The following FARS2 variants were observed in gnomAD, a reference collection of about 807,000 sequenced individuals.
FARS2 encodes the protein phenylalanyl-tRNA synthetase 2, mitochondrial.
Under a neutral mutation model 46.4 loss-of-function variants are expected in FARS2, and 40 were observed. That is an observed-to-expected ratio of 0.86 (90% CI 0.67 to 1.12). The LOEUF (loss-of-function observed/expected upper bound fraction) is 1.12. Ranked by LOEUF, FARS2 falls within the 50% of genes most tolerant of loss-of-function variation. The pLI is 0.00. For missense variants in FARS2, 513 were observed against 567.9 expected, an observed-to-expected ratio of 0.90 and a Z score of 0.98; for synonymous variants, 234 against 214.9, an observed-to-expected ratio of 1.09 and a Z score of -0.78.
intron 2 of FARS2, among the ~76,000 whole-genome samples, chr6:5,399,502 C>T (rs1287352350): frequency 6.6e-6 from 1 of 152,066 alleles, no homozygotes; most frequent in African/African-American, 2.4e-5. Flanking sequence ...GTATTAACGT[C>T]CTTCTAAAAC....
intron 6 of FARS2, among the ~76,000 whole-genome samples, chr6:5,668,942 C>T (rs1778299737): frequency 2.0e-5 from 3 of 152,006 alleles, no homozygotes; most frequent in Admixed American, 6.6e-5. Context: ...GCGATGGACC[C>T]GCCTTGGCCT....
intron 6 of FARS2, among the ~76,000 whole-genome samples, chr6:5,694,668 G>A (rs1257162109): frequency 6.6e-6 from 1 of 152,082 alleles, no homozygotes; most frequent in African/African-American, 2.4e-5. Flanking sequence ...AATGTGTAGT[G>A]CCTATGAGTT....
upstream of FARS2, among the ~76,000 whole-genome samples, chr6:5,256,680 A>G (rs1311586108): frequency 6.6e-6 from 1 of 152,086 alleles, no homozygotes; most frequent in Admixed American, 6.5e-5. Context: ...TGACTACTGC[A>G]GTGCTCATCA....
At chr6:5,398,839 CAT>C (rs766826180) in intron 2 of FARS2, among the ~76,000 whole-genome samples, 2 of 152,072 alleles carry the variant, frequency 1.3e-5, no homozygotes, top group South Asian at 2.1e-4. Flanking sequence ...TTACTCATGA[CAT>C]ATTTATTTTC....
At chr6:5,397,643 G>A (rs952392827) in intron 2 of FARS2, among the ~76,000 whole-genome samples, 1 of 152,188 alleles carries the variant, frequency 6.6e-6, no homozygotes, top group African/African-American at 2.4e-5. Flanking sequence ...AGACTATGCC[G>A]AATTGAGAAA....
At chr6:5,610,103 G>A in intron 5 of FARS2, 1 of 1,006,598 alleles carries the variant, frequency 9.9e-7, no homozygotes, top group East Asian at 2.4e-5. Flanking sequence ...GCTCAGAATG[G>A]CTCCTCAGGC....
chr6:5,593,443 T>C (rs1774033712), intron 5 of FARS2, among the ~76,000 whole-genome samples: 1 of 152,162 alleles, frequency 6.6e-6, no homozygotes, highest in Admixed American at 6.5e-5. Context: ...CACCTCCAAC[T>C]GAAATGATGA....
At chr6:5,475,280 A>G (rs1362070531) in intron 4 of FARS2, among the ~76,000 whole-genome samples, 1 of 152,178 alleles carries the variant, frequency 6.6e-6, no homozygotes, top group Non-Finnish European at 1.5e-5. Flanking sequence ...AGGCTTGAAG[A>G]GAAGTATATT....
At chr6:5,495,283 T>A (rs1767385411) in intron 4 of FARS2, among the ~76,000 whole-genome samples, 1 of 152,254 alleles carries the variant, frequency 6.6e-6, no homozygotes, top group African/African-American at 2.4e-5. Context: ...GTCATCATTT[T>A]CTGCCTTTGT....
chr6:5,638,529 C>T (rs1229966573), intron 6 of FARS2, among the ~76,000 whole-genome samples: 1 of 152,226 alleles, frequency 6.6e-6, no homozygotes, highest in African/African-American at 2.4e-5. Context: ...CGTGCCACTG[C>T]ACTCCAGCCT....
intron 1 of FARS2, among the ~76,000 whole-genome samples, chr6:5,285,774 C>T (rs1397232087): frequency 6.6e-6 from 1 of 152,186 alleles, no homozygotes; most frequent in Non-Finnish European, 1.5e-5. Context: ...TAGTAAGGGG[C>T]CATGAAGCCC....
chr6:5,398,624 C>T (rs2127707379), intron 2 of FARS2, among the ~76,000 whole-genome samples: 1 of 152,130 alleles, frequency 6.6e-6, no homozygotes, highest in South Asian at 2.1e-4. Context: ...TACTTATTGC[C>T]CTAGGGATAT....
chr6:5,380,874 A>G (rs958696280), intron 2 of FARS2, among the ~76,000 whole-genome samples: 3 of 152,200 alleles, frequency 2.0e-5, no homozygotes, highest in African/African-American at 7.2e-5. Context: ...AACTAGATAC[A>G]TCATCTAAAT....
In FARS2 at chr6:5,634,860, C is replaced by G. The variant is rs546866627; in HGVS notation, c.1217+21540C>G. Among the ~76,000 whole-genome samples the G allele has an allele frequency of 3.9e-5, 6 of 152,264 alleles. No individual in the cohort carries two copies. In the East Asian group the frequency reaches 7.7e-4, roughly 20 times the overall value. On this transcript the variant is annotated intron_variant, in intron 6 of 6. Coordinates refer to ENST00000274680, the MANE Select transcript of FARS2 (RefSeq NM_006567.5). ...ATTCCACGGGCAGATTGATCAATTT[C>G]CTGAGCTTTCATCATGATTTCTGGA...
At chr6:5,527,531 A>G (rs902116546) in intron 4 of FARS2, among the ~76,000 whole-genome samples, 5 of 152,364 alleles carry the variant, frequency 3.3e-5, no homozygotes, top group South Asian at 2.1e-4. Flanking sequence ...ACAATGTTTC[A>G]ACAGTGTTTC....
chr6:5,516,335 G>C (rs17274714), intron 4 of FARS2, among the ~76,000 whole-genome samples: 33,158 of 152,208 alleles, frequency 0.22, 4,965 homozygotes, highest in Non-Finnish European at 0.32. Flanking sequence ...TATGTTCTCT[G>C]CCGTGTCATC....
intron 1 of FARS2, among the ~76,000 whole-genome samples, chr6:5,283,688 A>C (rs989982469): frequency 6.6e-6 from 1 of 152,182 alleles, no homozygotes; most frequent in Non-Finnish European, 1.5e-5. Flanking sequence ...CTACATTTAT[A>C]TCGCATTTCT....
At chr6:5,434,810 C>G (rs1763428727) in intron 4 of FARS2, among the ~76,000 whole-genome samples, 2 of 152,088 alleles carry the variant, frequency 1.3e-5, no homozygotes, top group African/African-American at 2.4e-5. Flanking sequence ...TTCTTCATTC[C>G]CTTCTCTTTT....
At chr6:5,475,521 C>A (rs1193205065) in intron 4 of FARS2, among the ~76,000 whole-genome samples, 1 of 152,262 alleles carries the variant, frequency 6.6e-6, no homozygotes, top group South Asian at 2.1e-4. Context: ...TAGGACTCTC[C>A]CCTGACCACA....
Sources: allele counts gnomAD v4.1 joint callset (sites outside exome capture counted in the v4.1 genomes callset), GRCh38; gene constraint gnomAD v4.1.1; transcripts MANE v1.5; gene names NCBI Gene and HGNC (gene_info 2026-07-23, HGNC 2026-07-21).